Variants in GRID2 observed in about 807,000 individuals in gnomAD.
The protein encoded by GRID2 is glutamate ionotropic receptor delta type subunit 2.
Under a neutral mutation model 114.8 loss-of-function variants are expected in GRID2, and 33 were observed. The ratio of observed to expected loss-of-function variants is 0.29; its 90% CI spans 0.22 to 0.38. The LOEUF (loss-of-function observed/expected upper bound fraction) is 0.38, where lower values mean the gene tolerates loss of function less well. GRID2 is among the 10% of genes least tolerant of loss of function. GRID2 has a pLI of 1.00. For missense variants in GRID2, 1,184 were observed against 1,257.7 expected (o/e 0.94, Z 0.89); for synonymous variants, 505 against 449.9 (o/e 1.12, Z -1.55).
At chr4:93,447,391 G>A (rs1185400234) in intron 10 of GRID2, among the ~76,000 whole-genome samples, 1 of 151,900 alleles carries the variant, frequency 6.6e-6, no homozygotes, top group East Asian at 1.9e-4. Flanking sequence ...GGAAAAAACA[G>A]TTCTTTGAAA....
intron 2 of GRID2, among the ~76,000 whole-genome samples, chr4:92,652,715 A>C (rs1397906267): frequency 1.4e-5 from 2 of 144,128 alleles, no homozygotes; most frequent in African/African-American, 2.5e-5. Context: ...TCACTCCTGT[A>C]ATCCCAGCAC....
intron 13 of GRID2, among the ~76,000 whole-genome samples, chr4:93,567,651 A>C (rs879425600): frequency 2.0e-5 from 3 of 152,200 alleles, no homozygotes; most frequent in East Asian, 1.9e-4. Flanking sequence ...CAAATTTAAC[A>C]GACATATTTT....
At chr4:93,169,143 TACACACACAC>T (rs33953002) in intron 4 of GRID2, among the ~76,000 whole-genome samples, 41 of 138,190 alleles carry the variant, frequency 3.0e-4, no homozygotes, top group East Asian at 1.1e-3. Context: ...CACAATGAAA[TACACACACAC>T]ACACACACAC....
At chr4:93,241,751 A>T (rs1747536204) in intron 8 of GRID2, among the ~76,000 whole-genome samples, 1 of 151,618 alleles carries the variant, frequency 6.6e-6, no homozygotes, top group South Asian at 2.1e-4. Flanking sequence ...TAATAACTGA[A>T]ATTTCAGTAG....
chr4:92,932,746 G>T (rs903604121), intron 2 of GRID2, among the ~76,000 whole-genome samples: 1 of 151,208 alleles, frequency 6.6e-6, no homozygotes, highest in South Asian at 2.1e-4. Context: ...CAACAAAAAC[G>T]AATGCAGGCA....
chr4:92,546,178 A>G (rs534354378), intron 1 of GRID2, among the ~76,000 whole-genome samples: 1 of 152,210 alleles, frequency 6.6e-6, no homozygotes, highest in Non-Finnish European at 1.5e-5. Flanking sequence ...TTTAGAGATA[A>G]CTAATTACAG....
intron 4 of GRID2, among the ~76,000 whole-genome samples, chr4:93,148,616 C>G (rs1736460819): frequency 6.6e-6 from 1 of 151,924 alleles, no homozygotes; most frequent in Non-Finnish European, 1.5e-5. Context: ...GTTTAAAATG[C>G]ACAAGGAGGT....
intron 14 of GRID2, among the ~76,000 whole-genome samples, chr4:93,678,304 G>A (rs1435361154): frequency 6.6e-6 from 1 of 152,196 alleles, no homozygotes; most frequent in Non-Finnish European, 1.5e-5. Flanking sequence ...CATCTGATTG[G>A]TGTACCTGAA....
intron 8 of GRID2, among the ~76,000 whole-genome samples, chr4:93,278,298 A>G (rs1752280693): frequency 6.6e-6 from 1 of 151,928 alleles, no homozygotes; most frequent in Non-Finnish European, 1.5e-5. Flanking sequence ...TCGGTGAGAC[A>G]AGACACCTCA....
chr4:92,357,419 A>T (rs2110194777), intron 1 of GRID2, among the ~76,000 whole-genome samples: 1 of 152,034 alleles, frequency 6.6e-6, no homozygotes, highest in Admixed American at 6.6e-5. Context: ...ATTTGAAAAT[A>T]ATTCAAAATC....
At chr4:93,679,498 C>T (rs1725285077) in intron 14 of GRID2, among the ~76,000 whole-genome samples, 1 of 150,746 alleles carries the variant, frequency 6.6e-6, no homozygotes, top group African/African-American at 2.5e-5. Flanking sequence ...CCACACCACA[C>T]CTATTCCAAA....
rs201059955 is a variant in GRID2, at chr4:92,578,041, T to TTTCTTCTTCTTC, written c.89-12027_89-12016dup. ...CTTACTAAAATTTTCTGAAACTTAG[T>TTTCTTCTTCTTC]TTCTTCTTCTTCTTCTTCTTCTTCT... is the stretch of plus-strand genomic sequence containing the variant. On this transcript the variant is annotated intron_variant, in intron 1 of 15. Transcript: ENST00000282020. 5.0e-3 allele frequency among the ~76,000 whole-genome samples: 627 copies of TTTCTTCTTCTTC among 125,788 alleles called. 12 individuals are homozygous for TTTCTTCTTCTTC. Among genetic ancestry groups the TTTCTTCTTCTTC allele is most frequent in the South Asian group, 6.8e-3 (23 of 3,380 alleles). 82.5% of individuals were successfully genotyped at this position (125,788 alleles called of 152,430 possible). A position where few individuals can be genotyped will look rare whatever the true frequency, so the allele number is the denominator to read the frequency against.
rs115795203 is a variant in GRID2, at chr4:92,433,540, A to C, written c.88+128796A>C. 7.4e-3 allele frequency among the ~76,000 whole-genome samples: 1,123 copies of C among 152,268 alleles called. 18 individuals are homozygous for C. The highest frequency in any genetic ancestry group is 0.026 in the African/African-American group (1,070 of 41,544). The stretch of plus-strand genomic sequence containing the variant: ...TGCTGGAACAGACACACTGAGTTCC[A>C]ATGCCAAGTCCCACAATCATTGCAA... On this transcript the variant is annotated intron_variant, in intron 1 of 15. Coordinates refer to ENST00000282020, the MANE Select transcript of GRID2 (RefSeq NM_001510.4).
At chr4:93,649,181 G>A (rs772479936) in intron 14 of GRID2, among the ~76,000 whole-genome samples, 4 of 151,812 alleles carry the variant, frequency 2.6e-5, no homozygotes, top group South Asian at 2.1e-4. Flanking sequence ...TTTTAAAATC[G>A]TTCTGTGCCT....
At chr4:93,553,330 T>C (rs776455545) in intron 13 of GRID2, among the ~76,000 whole-genome samples, 1 of 152,186 alleles carries the variant, frequency 6.6e-6, no homozygotes, top group Non-Finnish European at 1.5e-5. Flanking sequence ...TTCTAACTGG[T>C]GAGAGGTGGT....
At chr4:92,755,780 T>G (rs549872313) in intron 2 of GRID2, among the ~76,000 whole-genome samples, 50 of 152,280 alleles carry the variant, frequency 3.3e-4, no homozygotes, top group African/African-American at 1.2e-3. Flanking sequence ...TTATTCTGAG[T>G]GTATATCATT....
At chr4:93,636,143 G>T (rs1405332675) in intron 14 of GRID2, among the ~76,000 whole-genome samples, 1 of 152,096 alleles carries the variant, frequency 6.6e-6, no homozygotes, top group Non-Finnish European at 1.5e-5. Flanking sequence ...TGAGCTACAG[G>T]GAAGATAAAT....
chr4:92,371,005 A>G (rs565448847), intron 1 of GRID2, among the ~76,000 whole-genome samples: 3 of 152,326 alleles, frequency 2.0e-5, no homozygotes, highest in South Asian at 2.1e-4. Context: ...TGGTCTGGAT[A>G]GAAAATAAAA....
intron 4 of GRID2, among the ~76,000 whole-genome samples, chr4:93,164,510 G>A (rs192423905): frequency 6.6e-6 from 1 of 152,130 alleles, no homozygotes; most frequent in East Asian, 1.9e-4. Flanking sequence ...AACAAAACCA[G>A]GACCTTTAAA....
Sources: gnomAD v4.1 joint callset for allele counts (sites outside exome capture counted in the v4.1 genomes callset) on GRCh38, gnomAD v4.1.1 for gene constraint, MANE v1.5 for transcripts, NCBI Gene and HGNC (gene_info 2026-07-23, HGNC 2026-07-21) for gene names.